Variants in GDAP2 observed in about 807,000 individuals in gnomAD.
The protein encoded by GDAP2 is ganglioside induced differentiation associated protein 2, also known as ganglioside-induced differentiation-associated protein 2.
Under a neutral mutation model 67.0 loss-of-function variants are expected in GDAP2, and 51 were observed. The observed-to-expected ratio is 0.76, with a 90% CI of 0.61 to 0.96. The LOEUF (loss-of-function observed/expected upper bound fraction) is 0.96, where lower values mean the gene tolerates loss of function less well. GDAP2 is among the 40% of genes least tolerant of loss of function. The probability of loss-of-function intolerance (pLI) is 0.00; values close to 1 mark genes in which losing one functional copy is unlikely to be tolerated. For missense variants in GDAP2, 547 were observed against 588.3 expected (o/e 0.93, Z 0.73); for synonymous variants, 203 against 207.3 (o/e 0.98, Z 0.18).
chr1:117,875,142 C>T (rs1648412581), intron 13 of GDAP2, among the ~76,000 whole-genome samples: 1 of 152,196 alleles, frequency 6.6e-6, no homozygotes, highest in Non-Finnish European at 1.5e-5. Flanking sequence ...TGTGGAGCAA[C>T]CACTTGCTAG....
At chr1:117,882,343 T>C (rs1269779054) in intron 11 of GDAP2, among the ~76,000 whole-genome samples, 3 of 152,142 alleles carry the variant, frequency 2.0e-5, no homozygotes, top group Non-Finnish European at 4.4e-5. Flanking sequence ...CCAGAAATTG[T>C]AGAGGCCTTC....
At chr1:117,891,440 A>G (rs893769011) in intron 8 of GDAP2, among the ~76,000 whole-genome samples, 3 of 152,092 alleles carry the variant, frequency 2.0e-5, no homozygotes, top group African/African-American at 7.2e-5. Flanking sequence ...AACACTTGCT[A>G]CTATTAGATG....
intron 9 of GDAP2, among the ~76,000 whole-genome samples, chr1:117,886,910 A>G (rs548617367): frequency 6.6e-6 from 1 of 152,240 alleles, no homozygotes; most frequent in South Asian, 2.1e-4. Context: ...ACAAACAGCC[A>G]AAGATCTTTT....
intron 11 of GDAP2, 148 bp downstream of exon 11, chr1:117,883,340 C>T (rs1648732136): frequency 1.7e-6 from 1 of 577,930 alleles, no homozygotes; most frequent in Non-Finnish European, 3.0e-6. Flanking sequence ...CGGAGGGTCT[C>T]CTATGATTGA....
chr1:117,915,878 C>T (rs1650031396), intron 3 of GDAP2, among the ~76,000 whole-genome samples: 1 of 152,176 alleles, frequency 6.6e-6, no homozygotes, highest in Non-Finnish European at 1.5e-5. Flanking sequence ...TCTAGGAACA[C>T]ACCATGATTA....
chr1:117,912,488 C>CA (rs1649890211), intron 4 of GDAP2, 42 bp downstream of exon 4: 1 of 1,533,952 alleles, frequency 6.5e-7, no homozygotes, highest in African/African-American at 1.4e-5. Flanking sequence ...GGGCCTTTAA[C>CA]AATGTATGAT....
chr1:117,887,598 G>A, intron 9 of GDAP2, 100 bp downstream of exon 9: 2 of 767,052 alleles, frequency 2.6e-6, no homozygotes, highest in South Asian at 2.8e-5. Context: ...TTTGTTCATA[G>A]ATACAATAAA....
intron 3 of GDAP2, among the ~76,000 whole-genome samples, chr1:117,914,617 G>C (rs1222953080): frequency 1.3e-5 from 2 of 152,010 alleles, no homozygotes; most frequent in Middle Eastern, 3.4e-3. Flanking sequence ...CCATATGAAG[G>C]CAAATCCCTG....
chr1:117,896,187 C>T (rs981448514), intron 8 of GDAP2, among the ~76,000 whole-genome samples: 4 of 152,176 alleles, frequency 2.6e-5, no homozygotes, highest in African/African-American at 9.7e-5. Context: ...AGGTGCTAAC[C>T]CTCCATCAAC....
At position 117,866,526 on chromosome 1, in the gene GDAP2, C is replaced by G. The variant is rs572348959; in HGVS notation, c.*4043G>C. 32 of 152,054 alleles carry G rather than the reference C, an allele frequency of 2.1e-4. No individual in the cohort carries two copies. Among genetic ancestry groups the G allele is most frequent in the Admixed American group, 2.1e-3 (32 of 15,266 alleles). 9.4% of individuals were successfully genotyped at this position (152,054 alleles called of 1,614,324 possible). On this transcript the variant is annotated 3_prime_UTR_variant, in exon 14 of 14. Coordinates refer to ENST00000369443, the MANE Select transcript of GDAP2 (RefSeq NM_017686.4). The stretch of plus-strand genomic sequence containing the variant: ...AGCACAGTTAAAACACTCTAGCGCA[C>G]GTTAATTATGATGATTACAACTTAA...
At chr1:117,881,545 T>G (rs1051709811) in intron 12 of GDAP2, among the ~76,000 whole-genome samples, 1 of 152,024 alleles carries the variant, frequency 6.6e-6, no homozygotes, top group Non-Finnish European at 1.5e-5. Context: ...AGGAGGGAAG[T>G]GTATTCTGTA....
In GDAP2 at chr1:117,865,453, C is replaced by T. The variant is rs896761255; in HGVS notation, c.*5116G>A. On this transcript the variant is annotated 3_prime_UTR_variant, in exon 14 of 14. Transcript: ENST00000369443. ...AAATTGTAAGATCTGTCAATTTAAG[C>T]ATTTTTAGGTTTCCTTCGCCCAATA... The T allele has an allele frequency of 1.3e-5, 2 of 152,124 alleles. No individual in the cohort carries two copies. The highest frequency in any genetic ancestry group is 2.9e-5 in the Non-Finnish European group (2 of 68,004). 9.4% of individuals were successfully genotyped at this position (152,124 alleles called of 1,614,324 possible).
chr1:117,914,330 A>T (rs1438459912), intron 3 of GDAP2, among the ~76,000 whole-genome samples: 1 of 152,224 alleles, frequency 6.6e-6, no homozygotes, highest in Non-Finnish European at 1.5e-5. Flanking sequence ...TGCTATAGCC[A>T]AGTGAAAAAT....
chr1:117,924,329 T>C (rs780732898), intron 1 of GDAP2, among the ~76,000 whole-genome samples: 12 of 152,186 alleles, frequency 7.9e-5, no homozygotes, highest in Non-Finnish European at 1.6e-4. Context: ...TTCCCTTCTT[T>C]GTGTCCACGT....
chr1:117,894,995 G>A (rs1649218352), intron 8 of GDAP2, among the ~76,000 whole-genome samples: 1 of 151,898 alleles, frequency 6.6e-6, no homozygotes, highest in African/African-American at 2.4e-5. Flanking sequence ...TCAATACTTG[G>A]AGCTCTGAAT....
chr1:117,896,425 G>A (rs569752336), intron 8 of GDAP2, among the ~76,000 whole-genome samples: 1 of 152,260 alleles, frequency 6.6e-6, no homozygotes, highest in South Asian at 2.1e-4. Context: ...GATAAGTCAG[G>A]GAGAAATAAG....
chr1:117,889,498 A>G (rs1032715813), intron 8 of GDAP2, among the ~76,000 whole-genome samples: 1 of 151,994 alleles, frequency 6.6e-6, no homozygotes, highest in African/African-American at 2.4e-5. Context: ...GCATTTGATA[A>G]CCACTTTATT....
rs536621175 is a variant in GDAP2, at chr1:117,893,898, A to G, written c.953+2935T>C. 7.0e-4 allele frequency among the ~76,000 whole-genome samples: 107 copies of G among 152,308 alleles called. 1 individual carries two copies. The highest frequency in any genetic ancestry group is 2.5e-3 in the African/African-American group (103 of 41,584). The stretch of plus-strand genomic sequence containing the variant: ...ATTAGAAATAAAAACAGAGAAATTT[A>G]AAAAATATTCATTAATTTAAAAACA... On this transcript the variant is annotated intron_variant, in intron 8 of 13. Coordinates refer to ENST00000369443, the MANE Select transcript of GDAP2 (RefSeq NM_017686.4).
intron 8 of GDAP2, among the ~76,000 whole-genome samples, chr1:117,890,344 T>C (rs921735534): frequency 3.3e-5 from 5 of 152,118 alleles, no homozygotes; most frequent in African/African-American, 4.8e-5. Context: ...GACCACCAGA[T>C]AGACAATATG....
Sources: gnomAD v4.1 joint callset for allele counts (sites outside exome capture counted in the v4.1 genomes callset) on GRCh38, gnomAD v4.1.1 for gene constraint, MANE v1.5 for transcripts, NCBI Gene and HGNC (gene_info 2026-07-23, HGNC 2026-07-21) for gene names.